The following TNNI3 variants were observed in gnomAD, a reference collection of about 807,000 sequenced individuals.
The protein encoded by TNNI3 is troponin I, cardiac muscle.
A neutral mutation model predicts 31.5 loss-of-function variants in TNNI3; 23 were observed. The observed-to-expected ratio is 0.73, with a 90% CI of 0.52 to 1.03. The LOEUF (loss-of-function observed/expected upper bound fraction) is 1.03. Among genes scored for constraint, TNNI3 ranks in the 50% least tolerant of loss-of-function variants. The pLI is 0.00. For missense variants in TNNI3, 236 were observed against 282.9 expected (o/e 0.83, Z 1.19); for synonymous variants, 120 against 111.7 (o/e 1.07, Z -0.47).
In TNNI3 at chr19:55,157,674, T is replaced by G. The variant is rs186540595; in HGVS notation, c.-85A>C. 2.4e-4 allele frequency: 367 copies of G among 1,546,176 alleles called. 1 individual carries two copies. The African/African-American group carries it at 4.5e-3, about 19-fold the overall frequency. Reference sequence around the variant, plus strand: ...CAGTGAGGGGGCCGCCCGGGTGACCTTCAGGGTCCCAGGGACCGTCAGTCT... The same window carrying G: ...CAGTGAGGGGGCCGCCCGGGTGACCGTCAGGGTCCCAGGGACCGTCAGTCT... On this transcript the variant is annotated 5_prime_UTR_variant, in exon 1 of 8. Transcript: ENST00000344887. This position sits in a 1 kb window ranked among gnomAD's most constrained non-coding sequence, Gnocchi z 6.3.
intron 7 of TNNI3, among the ~76,000 whole-genome samples, chr19:55,153,754 T>TA (rs1210481968): frequency 1.3e-5 from 2 of 151,238 alleles, no homozygotes; most frequent in African/African-American, 4.9e-5. Flanking sequence ...AAAAGGAAAT[T>TA]AAAAAAAAAT....
rs776875171 is a variant in TNNI3, at chr19:55,157,299, A to G, written c.21T>C (p.Asp7=). Residue 7 remains aspartate (D), a synonymous_variant, in exon 2 of 8, where the codon GAT becomes GAC. Transcript: ENST00000344887. The surrounding 1 kb of genome is among the most constrained non-coding windows in gnomAD (Gnocchi z 6.3). ...CGCCTTAGCCCGCTGCTCTCACCGC[A>G]TCGCTGCTCCTGGAAGGAGAGAAAC... MADGSS[D]AAREPRPAPA... 6.2e-7 allele frequency: 1 copy of G among 1,613,064 alleles called. No individual in the cohort carries two copies. The highest frequency in any genetic ancestry group is 8.5e-7 in the Non-Finnish European group (1 of 1,179,772).
In TNNI3 at chr19:55,154,091, G is replaced by C. The variant is rs727504367; in HGVS notation, c.488C>G (p.Ala163Gly). Residue 163 changes from alanine to glycine, a missense_variant, in exon 7 of 8, where the codon GCT (alanine) becomes GGT (glycine). Around this residue, in one of 4 missense-constraint regions of TNNI3, gnomAD observed 34 missense variants for 52.7 expected, o/e 0.65. Transcript: ENST00000344887. ...GGCCCGCAGGTCCAGGGACTCCTTA[G>C]CCCGGGCCCCCAGCAGCGCCTGCAT... ...AMMQALLGAR[A>G]KESLDLRAHL... 3.1e-6 allele frequency: 5 copies of C among 1,612,828 alleles called. No individual in the cohort carries two copies. The highest frequency in any genetic ancestry group is 4.2e-6 in the Non-Finnish European group (5 of 1,179,960).
At chr19:55,153,210 G>T (rs1438013613) in intron 7 of TNNI3, among the ~76,000 whole-genome samples, 5 of 152,144 alleles carry the variant, frequency 3.3e-5, no homozygotes, top group Admixed American at 3.3e-4. Flanking sequence ...GAGATTACAG[G>T]CATGAGCCAC....
In TNNI3 at chr19:55,156,413, C is replaced by T. The variant is rs745324458; in HGVS notation, c.151-81G>A. The stretch of plus-strand genomic sequence containing the variant: ...GGCGTGGGGAACCGCCTCTGCCCTT[C>T]TAAACCCTCCAGTTTGGTCTCCACT... On this transcript the variant is annotated intron_variant, in intron 4 of 7. Transcript: ENST00000344887. This position sits in a 1 kb window ranked among gnomAD's most constrained non-coding sequence, Gnocchi z 4.6. 2.9e-5 allele frequency: 44 copies of T among 1,542,204 alleles called. No individual in the cohort carries two copies. In the African/African-American group the frequency reaches 5.7e-4, roughly 20 times the overall value.
At chr19:55,155,804 G>T (rs1468078091) in intron 5 of TNNI3, among the ~76,000 whole-genome samples, 1 of 101,492 alleles carries the variant, frequency 9.9e-6, no homozygotes, top group East Asian at 3.0e-4. Flanking sequence ...GGACTCCAGG[G>T]TCTGAGGGAG....
chr19:55,153,396 A>G (rs1448342135), intron 7 of TNNI3, among the ~76,000 whole-genome samples: 1 of 151,982 alleles, frequency 6.6e-6, no homozygotes, highest in African/African-American at 2.4e-5. Context: ...CTTCTTTAAG[A>G]TAGGGTCTCA....
In TNNI3 at chr19:55,156,092, T is replaced by C. The variant is rs557299668; in HGVS notation, c.282+109A>G. On this transcript the variant is annotated intron_variant, in intron 5 of 7. Coordinates refer to ENST00000344887, the MANE Select transcript of TNNI3 (RefSeq NM_000363.5). This position sits in a 1 kb window ranked among gnomAD's most constrained non-coding sequence, Gnocchi z 4.6. ...CAGGAGTCCCACGAACCATATATAATTGGGTAAGGACAGCCATATTGGACG... is the reference window on the plus strand; with the variant it reads ...CAGGAGTCCCACGAACCATATATAACTGGGTAAGGACAGCCATATTGGACG... The C allele has an allele frequency of 1.3e-4, 202 of 1,533,774 alleles. No homozygotes were observed. The highest frequency in any genetic ancestry group is 2.0e-4 in the East Asian group (9 of 44,190).
intron 6 of TNNI3, chr19:55,154,462 G>A (rs2147283495): frequency 1.6e-6 from 1 of 621,464 alleles, no homozygotes; most frequent in Non-Finnish European, 2.9e-6. Flanking sequence ...TCCCTGGCCA[G>A]TGCCTGAGCT....
Position 55,154,765 on chromosome 19 carries a change from T to G in TNNI3, c.348A>C (p.Ala116=), listed in dbSNP as rs2085716349. ...CCTCCGTGATGTTCTTGGTGACTTT[T>G]GCCTCTATGTCGTATCTCTCTTCAT... The part of the protein sequence containing the change: ...KVDEERYDIE[A]KVTKNITEIA... The change falls in exon 6 of 8, where the codon GCA becomes GCC. Residue 116 remains alanine, a synonymous_variant. Transcript: ENST00000344887. The G allele has an allele frequency of 3.1e-6, 5 of 1,614,114 alleles. No homozygotes were observed. The highest frequency in any genetic ancestry group is 4.2e-6 in the Non-Finnish European group (5 of 1,180,042).
At position 55,156,815 on chromosome 19, in the gene TNNI3, TG is replaced by T. The variant is rs372537646; in HGVS notation, c.109-172del. On this transcript the variant is annotated intron_variant, in intron 3 of 7. Transcript: ENST00000344887. The surrounding 1 kb of genome is among the most constrained non-coding windows in gnomAD (Gnocchi z 4.6). ...CGCCCCTCATTCCCATCCACCAATC[TG>T]GGTCTCTTCCTTTGGATAGGCACTT... is the stretch of plus-strand genomic sequence containing the variant. 6.9e-6 allele frequency: 6 copies of T among 873,998 alleles called. No individual in the cohort carries two copies. In the African/African-American group the frequency reaches 8.3e-5, roughly 12 times the overall value. 54.1% of individuals were successfully genotyped at this position (873,998 alleles called of 1,614,324 possible).
chr19:55,156,764 T>A lies in TNNI3; in HGVS notation c.109-120A>T. 8.5e-7 allele frequency: 1 copy of A among 1,183,260 alleles called. No homozygotes were observed. Among genetic ancestry groups the A allele is most frequent in the East Asian group, 2.6e-5 (1 of 39,052 alleles). 73.3% of individuals were successfully genotyped at this position (1,183,260 alleles called of 1,614,324 possible). The stretch of plus-strand genomic sequence containing the variant: ...GTCCAGATTTGGGCCCACGTCCAAC[T>A]TGAGCCCTGAGTCTACGGGAGGCCA... On this transcript the variant is annotated intron_variant, in intron 3 of 7. Coordinates refer to ENST00000344887, the MANE Select transcript of TNNI3 (RefSeq NM_000363.5). This position sits in a 1 kb window ranked among gnomAD's most constrained non-coding sequence, Gnocchi z 4.6.
chr19:55,157,399 G>A lies in TNNI3; in HGVS notation c.12-91C>T, dbSNP rs1160476560. ...TGGAGTCCCCTCTGAACAAGAGGTC[G>A]GGGGACCGCGCTTCCCCTTCCTTGG... On this transcript the variant is annotated intron_variant, in intron 1 of 7. Transcript: ENST00000344887. This position sits in a 1 kb window ranked among gnomAD's most constrained non-coding sequence, Gnocchi z 6.3. 1.9e-6 allele frequency: 3 copies of A among 1,602,028 alleles called. No homozygotes were observed. The highest frequency in any genetic ancestry group is 2.6e-6 in the Non-Finnish European group (3 of 1,171,092).
chr19:55,157,644 AG>A lies in TNNI3; in HGVS notation c.-56del, dbSNP rs1288922798. ...GCAGGGCGAGGACAGGGGCGTTTGGAGGGTCAGTGAGGGGGCCGCCCGGGTG... is the reference window on the plus strand; with the variant it reads ...GCAGGGCGAGGACAGGGGCGTTTGGAGGTCAGTGAGGGGGCCGCCCGGGTG... On this transcript the variant is annotated 5_prime_UTR_variant, in exon 1 of 8. Coordinates refer to ENST00000344887, the MANE Select transcript of TNNI3 (RefSeq NM_000363.5). This position sits in a 1 kb window ranked among gnomAD's most constrained non-coding sequence, Gnocchi z 6.3. The A allele has an allele frequency of 4.3e-6, 7 of 1,610,862 alleles. No homozygotes were observed. The highest frequency in any genetic ancestry group is 5.9e-6 in the Non-Finnish European group (7 of 1,178,280).
chr19:55,156,704 A>C lies in TNNI3; in HGVS notation c.109-60T>G, dbSNP rs749178493. The C allele has an allele frequency of 1.8e-5, 27 of 1,537,006 alleles. No individual in the cohort carries two copies. In the African/African-American group the frequency reaches 3.3e-4, roughly 19 times the overall value. ...GAGGGGGATTCGGAGACGACGGTGG[A>C]GGGGACCTCAAGACACCCCCAGCAA... On this transcript the variant is annotated intron_variant, in intron 3 of 7. Transcript: ENST00000344887. This position sits in a 1 kb window ranked among gnomAD's most constrained non-coding sequence, Gnocchi z 4.6.
chr19:55,153,197 G>A (rs1302136000), intron 7 of TNNI3, among the ~76,000 whole-genome samples: 2 of 152,122 alleles, frequency 1.3e-5, no homozygotes, highest in Non-Finnish European at 2.9e-5. Flanking sequence ...ATCCCAAAGT[G>A]TTGAGATTAC....
intron 6 of TNNI3, 51 bp from the exon 7 acceptor site, chr19:55,154,257 C>G (rs368516145): frequency 1.3e-6 from 2 of 1,567,888 alleles, no homozygotes; most frequent in East Asian, 4.5e-5. Context: ...CCCGCACACC[C>G]AACTCCTCCA....
At position 55,156,812 on chromosome 19, in the gene TNNI3, A is replaced by G. The variant is rs1454159206; in HGVS notation, c.109-168T>C. ...CCACGCCCCTCATTCCCATCCACCA[A>G]TCTGGGTCTCTTCCTTTGGATAGGC... On this transcript the variant is annotated intron_variant, in intron 3 of 7. Coordinates refer to ENST00000344887, the MANE Select transcript of TNNI3 (RefSeq NM_000363.5). The surrounding 1 kb of genome is among the most constrained non-coding windows in gnomAD (Gnocchi z 4.6). 9.2e-6 allele frequency: 8 copies of G among 874,150 alleles called. No individual in the cohort carries two copies. The highest frequency in any genetic ancestry group is 1.7e-5 in the African/African-American group (1 of 60,012). The allele number at this position is 874,150 out of a possible 1,614,324, so 54.1% of individuals were successfully genotyped here.
intron 7 of TNNI3, among the ~76,000 whole-genome samples, chr19:55,153,195 G>T (rs11670538): frequency 0.051 from 7,777 of 152,104 alleles, 278 homozygotes; most frequent in Middle Eastern, 0.15. Context: ...GCATCCCAAA[G>T]TGTTGAGATT....
Sources: allele counts gnomAD v4.1 joint callset (sites outside exome capture counted in the v4.1 genomes callset), GRCh38; gene constraint gnomAD v4.1.1; regional missense constraint gnomAD v4.1.1; non-coding constraint Gnocchi (gnomAD v3.1); transcripts MANE v1.5; gene names NCBI Gene and HGNC (gene_info 2026-07-23, HGNC 2026-07-21).